GABRA4: variants seen among roughly 807,000 people sequenced by gnomAD.
GABRA4 encodes the protein gamma-aminobutyric acid type A receptor subunit alpha4, also known as gamma-aminobutyric acid receptor subunit alpha-4.
GABRA4 carries 12 observed loss-of-function variants against 49.7 expected under a neutral mutation model. That is an observed-to-expected ratio of 0.24 (90% CI 0.15 to 0.39). The LOEUF (loss-of-function observed/expected upper bound fraction) is 0.39, where lower values mean the gene tolerates loss of function less well. Ranked by LOEUF, GABRA4 falls within the 10% of genes least tolerant of loss-of-function variation. The pLI is 1.00. For missense variants in GABRA4, 506 were observed against 686.0 expected, an observed-to-expected ratio of 0.74 and a Z score of 2.93; for synonymous variants, 288 against 240.2, an observed-to-expected ratio of 1.20 and a Z score of -1.84.
chr4:46,946,530 A>G (rs1464328620), intron 8 of GABRA4, among the ~76,000 whole-genome samples: 1 of 152,082 alleles, frequency 6.6e-6, no homozygotes, highest in East Asian at 1.9e-4. Flanking sequence ...GCTAACTCTT[A>G]GTTCCCAATA....
rs190638721 is a variant in GABRA4 at position 46,942,400 on chromosome 4, G to C, written c.1135-13645C>G. Among the ~76,000 whole-genome samples the C allele has an allele frequency of 1.8e-3, 267 of 151,948 alleles. 3 individuals carry two copies. The highest frequency in any genetic ancestry group is 6.1e-3 in the African/African-American group (255 of 41,476). On this transcript the variant is annotated intron_variant, in intron 8 of 8. Coordinates refer to ENST00000264318, the MANE Select transcript of GABRA4 (RefSeq NM_000809.4). ...AATTATTTGTGGATCACTATAATTA[G>C]CACTTAAAAATCTATGTCTTACCAG...
chr4:46,986,990 G>A (rs1560484987), intron 2 of GABRA4, among the ~76,000 whole-genome samples: 1 of 152,064 alleles, frequency 6.6e-6, no homozygotes, highest in Non-Finnish European at 1.5e-5. Context: ...GGTTTATTAT[G>A]GAAAACCTTG....
chr4:46,969,081 A>C (rs1722861476), intron 7 of GABRA4, among the ~76,000 whole-genome samples: 1 of 151,606 alleles, frequency 6.6e-6, no homozygotes, highest in African/African-American at 2.4e-5. Context: ...CTGTTTTAAC[A>C]CATGAGGAAG....
At chr4:46,939,433 A>G (rs567270570) in intron 8 of GABRA4, among the ~76,000 whole-genome samples, 1 of 152,028 alleles carries the variant, frequency 6.6e-6, no homozygotes. Context: ...ACAACAACCC[A>G]TGAGATAGTA....
chr4:46,986,649 T>G (rs1363825053), intron 2 of GABRA4, among the ~76,000 whole-genome samples: 1 of 152,108 alleles, frequency 6.6e-6, no homozygotes, highest in Non-Finnish European at 1.5e-5. Flanking sequence ...TAGCTTTAAA[T>G]ATCATGTATA....
intron 8 of GABRA4, among the ~76,000 whole-genome samples, chr4:46,931,555 A>T (rs1721437405): frequency 6.6e-6 from 1 of 152,136 alleles, no homozygotes. Context: ...TCCTGCCTCC[A>T]TATTCATGCT....
At chr4:46,931,305 T>C (rs1721427066) in intron 8 of GABRA4, among the ~76,000 whole-genome samples, 1 of 152,124 alleles carries the variant, frequency 6.6e-6, no homozygotes, top group Admixed American at 6.6e-5. Flanking sequence ...GTCTTAATAG[T>C]ATAGTATAAA....
rs748520788 is a variant in GABRA4, at chr4:46,928,763, G to T, written c.1135-8C>A. Reference sequence around the variant, plus strand: ...CAAATTGGCATTTGTATTCTGAAAAGGTATATGAAAAAATATATTGGTTAT... The same window carrying T: ...CAAATTGGCATTTGTATTCTGAAAATGTATATGAAAAAATATATTGGTTAT... On this transcript the variant is annotated splice_polypyrimidine_tract_variant and splice_region_variant and intron_variant, in intron 8 of 8. Transcript: ENST00000264318. 7 of 1,577,898 alleles carry T rather than the reference G, an allele frequency of 4.4e-6. No individual in the cohort carries two copies. Among genetic ancestry groups the T allele is most frequent in the East Asian group, 4.5e-5 (2 of 44,518 alleles).
intron 2 of GABRA4, among the ~76,000 whole-genome samples, chr4:46,981,222 C>T (rs138278909): frequency 1.3e-3 from 191 of 152,080 alleles, no homozygotes; most frequent in African/African-American, 4.1e-3. Flanking sequence ...TAATATCATA[C>T]GTATTTCAGG....
intron 2 of GABRA4, among the ~76,000 whole-genome samples, chr4:46,980,822 T>C (rs1007010078): frequency 1.3e-5 from 2 of 152,084 alleles, no homozygotes; most frequent in Non-Finnish European, 2.9e-5. Flanking sequence ...GGTTCAACAG[T>C]GAAACAAATC....
At position 46,971,154 on chromosome 4, in the gene GABRA4, A is replaced by T; in HGVS notation, c.803T>A (p.Ile268Asn). 1 of 1,609,536 alleles carries T rather than the reference A, an allele frequency of 6.2e-7. No homozygotes were observed. The highest frequency in any genetic ancestry group is 8.5e-7 in the Non-Finnish European group (1 of 1,176,882). Residue 268 changes from isoleucine (I) to asparagine (N), a missense_variant, in exon 7 of 9, where the codon ATT becomes AAT. By Grantham distance (149) the Ile-to-Asn change is moderately radical (BLOSUM62 -3). Transcript: ENST00000264318. ...AACTTGAGAAAGAATCACTGTCATA[A>T]TGCACGGAATATAGGTCTGAATCAT... ...YFMIQTYIPC[I>N]MTVILSQVSF... is the part of the protein sequence containing the mutation.
chr4:46,974,469 T>A, intron 5 of GABRA4, 94 bp from the exon 6 acceptor site: 1 of 1,163,914 alleles, frequency 8.6e-7, no homozygotes, highest in East Asian at 2.5e-5. Context: ...TCAAGAAAGA[T>A]GGAATAAATG....
At chr4:46,971,839 C>T (rs1479083992) in intron 6 of GABRA4, among the ~76,000 whole-genome samples, 1 of 150,336 alleles carries the variant, frequency 6.7e-6, no homozygotes, top group African/African-American at 2.4e-5. Context: ...AAAATATAGA[C>T]GTGTATAACA....
chr4:46,960,575 A>T (rs1722540689), intron 8 of GABRA4, among the ~76,000 whole-genome samples: 1 of 151,756 alleles, frequency 6.6e-6, no homozygotes, highest in Non-Finnish European at 1.5e-5. Flanking sequence ...ATAAAAATTA[A>T]CAATGAAGTT....
rs71193888 is a variant in GABRA4, at chr4:46,976,354, C to CAAAA, written c.577+703_577+706dup. ...CTCCAGCCTCTCTACCACCCATTCT[C>CAAAA]AAAAAAAAAAAAAAAAAAAAAAAAG... On this transcript the variant is annotated intron_variant, in intron 5 of 8. Coordinates refer to ENST00000264318, the MANE Select transcript of GABRA4 (RefSeq NM_000809.4). Among the ~76,000 whole-genome samples the CAAAA allele has an allele frequency of 1.2e-3, 64 of 51,632 alleles. 1 individual carries two copies. The highest frequency in any genetic ancestry group is 2.2e-3 in the East Asian group (3 of 1,360). 33.9% of individuals were successfully genotyped at this position (51,632 alleles called of 152,430 possible).
chr4:46,992,411 A>G (rs1323641256), intron 2 of GABRA4, among the ~76,000 whole-genome samples: 1 of 152,224 alleles, frequency 6.6e-6, no homozygotes, highest in Non-Finnish European at 1.5e-5. Flanking sequence ...AGGTTTTGGC[A>G]TAGGCATGGA....
chr4:46,965,441 T>C (rs934801860), intron 7 of GABRA4, among the ~76,000 whole-genome samples: 2 of 151,878 alleles, frequency 1.3e-5, no homozygotes, highest in African/African-American at 2.4e-5. Flanking sequence ...GTTCTAATCC[T>C]AGTTTTTCTC....
intron 8 of GABRA4, among the ~76,000 whole-genome samples, chr4:46,959,771 A>AAAG (rs1577770778): frequency 6.7e-6 from 1 of 148,560 alleles, no homozygotes; most frequent in African/African-American, 2.4e-5. Flanking sequence ...AAAAAAAAAA[A>AAAG]AAAAAGAAAA....
At chr4:46,988,002 T>C (rs1416240724) in intron 2 of GABRA4, among the ~76,000 whole-genome samples, 27 of 152,140 alleles carry the variant, frequency 1.8e-4, no homozygotes, top group Admixed American at 1.8e-3. Context: ...TCTTGCATTC[T>C]GGCTACAGGC....
Sources: gnomAD v4.1 joint callset for allele counts (sites outside exome capture counted in the v4.1 genomes callset) on GRCh38, gnomAD v4.1.1 for gene constraint, MANE v1.5 for transcripts, NCBI Gene and HGNC (gene_info 2026-07-23, HGNC 2026-07-21) for gene names.